The following WDR41 variants were observed in gnomAD, a reference collection of about 807,000 sequenced individuals.
WDR41 encodes WD repeat domain 41, also known as WD repeat-containing protein 41.
Under a neutral mutation model 69.3 loss-of-function variants are expected in WDR41, and 63 were observed. The ratio of observed to expected loss-of-function variants is 0.91; its 90% CI spans 0.74 to 1.12. The LOEUF is 1.12. Ranked by LOEUF, WDR41 falls within the 50% of genes most tolerant of loss-of-function variation. The pLI is 0.00. For missense variants in WDR41, 543 were observed against 534.5 expected, an observed-to-expected ratio of 1.02 and a Z score of -0.16; for synonymous variants, 185 against 192.1, an observed-to-expected ratio of 0.96 and a Z score of 0.31.
At chr5:77,491,973 G>A (rs1350898769) in intron 1 of WDR41, 197 bp downstream of exon 1, 4 of 621,436 alleles carry the variant, frequency 6.4e-6, no homozygotes, top group Non-Finnish European at 1.1e-5. Context: ...TGCGCCTGGG[G>A]TCCCGCCGGG....
intron 1 of WDR41, among the ~76,000 whole-genome samples, chr5:77,562,738 C>A (rs1225194913): frequency 6.6e-6 from 1 of 152,154 alleles, no homozygotes; most frequent in Non-Finnish European, 1.5e-5. Flanking sequence ...AAAACAAAAA[C>A]AAATACAGGT....
intron 1 of WDR41, among the ~76,000 whole-genome samples, chr5:77,579,537 A>G (rs1284341749): frequency 6.6e-6 from 1 of 152,308 alleles, no homozygotes; most frequent in Non-Finnish European, 1.5e-5. Context: ...AAGTGCTAAA[A>G]AAAACCACCC....
chr5:77,501,379 G>C (rs181196268), intron 1 of WDR41, among the ~76,000 whole-genome samples: 3 of 152,218 alleles, frequency 2.0e-5, no homozygotes, highest in Non-Finnish European at 2.9e-5. Context: ...CGGGAAGCTC[G>C]AACTGGGCAG....
At chr5:77,471,914 C>A (rs1800636265) in intron 2 of WDR41, among the ~76,000 whole-genome samples, 1 of 152,158 alleles carries the variant, frequency 6.6e-6, no homozygotes, top group Non-Finnish European at 1.5e-5. Context: ...GGGAATCCTC[C>A]TTAACTCATG....
chr5:77,566,170 G>A (rs1273514982), intron 1 of WDR41, among the ~76,000 whole-genome samples: 10 of 152,126 alleles, frequency 6.6e-5, no homozygotes, highest in Admixed American at 5.2e-4. Context: ...AACCTGGGCA[G>A]TCTTTCCAAA....
At chr5:77,492,800 C>CTA (rs1177861147), upstream of WDR41, among the ~76,000 whole-genome samples, 1 of 152,190 alleles carries the variant, frequency 6.6e-6, no homozygotes, top group Non-Finnish European at 1.5e-5. Flanking sequence ...TTACTGTGTG[C>CTA]TATAGTACAG....
intron 1 of WDR41, among the ~76,000 whole-genome samples, chr5:77,511,250 G>A (rs1314382359): frequency 5.9e-5 from 9 of 151,966 alleles, no homozygotes; most frequent in South Asian, 2.1e-4. Flanking sequence ...TCCAGTTGAC[G>A]TCTTTTCAAT....
chr5:77,536,049 A>G (rs1198228814), intron 1 of WDR41, among the ~76,000 whole-genome samples: 5 of 152,174 alleles, frequency 3.3e-5, no homozygotes, highest in Non-Finnish European at 7.4e-5. Context: ...TGGTCTAATC[A>G]GTTTCCCATT....
chr5:77,552,467 A>G (rs768682512), intron 1 of WDR41, among the ~76,000 whole-genome samples: 8 of 152,210 alleles, frequency 5.3e-5, no homozygotes, highest in Non-Finnish European at 1.0e-4. Flanking sequence ...ATTCTCCCCA[A>G]ATTGGTCTAT....
intron 1 of WDR41, among the ~76,000 whole-genome samples, chr5:77,585,707 G>T (rs1744025519): frequency 6.6e-6 from 1 of 152,190 alleles, no homozygotes; most frequent in Admixed American, 6.5e-5. Context: ...ATTATTCTAA[G>T]TGAAGTAACT....
At chr5:77,565,904 G>A (rs1416725799) in intron 1 of WDR41, among the ~76,000 whole-genome samples, 1 of 152,142 alleles carries the variant, frequency 6.6e-6, no homozygotes, top group East Asian at 1.9e-4. Context: ...AAGGTGTATT[G>A]TAGGTATTCA....
chr5:77,590,813 G>T (rs1744123410), intron 1 of WDR41, among the ~76,000 whole-genome samples: 1 of 152,180 alleles, frequency 6.6e-6, no homozygotes, highest in South Asian at 2.1e-4. Flanking sequence ...GAGAGAGATT[G>T]GCTTGTATTT....
upstream of WDR41, chr5:77,492,487 G>T (rs55763518): frequency 4.8e-6 from 2 of 420,088 alleles, no homozygotes; most frequent in Admixed American, 4.5e-5. Context: ...CGGCGATTGC[G>T]GGGCGCGCGC....
At chr5:77,494,412 A>G (rs751862094), upstream of WDR41, among the ~76,000 whole-genome samples, 13 of 152,110 alleles carry the variant, frequency 8.5e-5, no homozygotes, top group Non-Finnish European at 1.3e-4. Context: ...TATGCTGTCT[A>G]TGAAAGACTG....
Position 77,617,447 on chromosome 5 carries a change from C to T in WDR41, c.42+3032G>A, listed in dbSNP as rs115222653. 8.9e-3 allele frequency among the ~76,000 whole-genome samples: 1,358 copies of T among 152,204 alleles called. 6 individuals are homozygous for T. The highest frequency in any genetic ancestry group is 0.015 in the Non-Finnish European group (1,017 of 68,016). ...TTAATAGTGCTTAACTCTGGGCAAG[C>T]ATCTATAGAATCAGACATTCAAATA... On this transcript the variant is annotated intron_variant, in intron 1 of 5. Coordinates refer to the WDR41 transcript ENST00000509971.
At chr5:77,611,436 C>T (rs1407728809) in intron 1 of WDR41, among the ~76,000 whole-genome samples, 1 of 152,072 alleles carries the variant, frequency 6.6e-6, no homozygotes, top group Non-Finnish European at 1.5e-5. Context: ...TGTAAAAGAA[C>T]AGAAACTACA....
chr5:77,529,723 T>C (rs144530686), intron 1 of WDR41, among the ~76,000 whole-genome samples: 1 of 151,432 alleles, frequency 6.6e-6, no homozygotes, highest in African/African-American at 2.4e-5. Flanking sequence ...CAGGCATAAA[T>C]GAATACATGG....
chr5:77,457,158 T>A (rs1799867145), intron 5 of WDR41, among the ~76,000 whole-genome samples: 2 of 152,200 alleles, frequency 1.3e-5, no homozygotes, highest in Non-Finnish European at 2.9e-5. Flanking sequence ...TCTGTTGAGA[T>A]GATCCTGTGG....
intron 1 of WDR41, among the ~76,000 whole-genome samples, chr5:77,501,974 C>T (rs1802023752): frequency 6.6e-6 from 1 of 152,110 alleles, no homozygotes; most frequent in Admixed American, 6.5e-5. Context: ...TCTTCTCCAT[C>T]ACAGCTCCTC....
Sources: gnomAD v4.1 joint callset for allele counts (sites outside exome capture counted in the v4.1 genomes callset) on GRCh38, gnomAD v4.1.1 for gene constraint, MANE v1.5 for transcripts, NCBI Gene and HGNC (gene_info 2026-07-23, HGNC 2026-07-21) for gene names.